Variants in MYO15A observed in about 807,000 individuals in gnomAD.
MYO15A encodes unconventional myosin-XV.
A neutral mutation model predicts 394.6 loss-of-function variants in MYO15A; 308 were observed. That is an observed-to-expected ratio of 0.78 (90% CI 0.71 to 0.86). The LOEUF is 0.86. Among genes scored for constraint, MYO15A ranks in the 40% least tolerant of loss-of-function variants. The pLI is 0.00. For synonymous variants in MYO15A, 1,957 were observed against 2,003.8 expected, an observed-to-expected ratio of 0.98 and a Z score of 0.62; for missense variants, 4,606 against 4,799.1, an observed-to-expected ratio of 0.96 and a Z score of 1.19.
Position 18,155,399 on chromosome 17 carries a change from C to A in MYO15A, c.8426C>A (p.Ala2809Asp). The change falls in exon 47 of 66, where the codon GCC (alanine) becomes GAC (aspartate). Residue 2809 changes from alanine to aspartate, a missense_variant. Transcript: ENST00000647165. Reference sequence around the variant, plus strand: ...AGGATGGTCAAGGGTGGCCAGGAGGCCGGCGGGCAGCTGCGGGTCCTGCGT... The same window carrying A: ...AGGATGGTCAAGGGTGGCCAGGAGGACGGCGGGCAGCTGCGGGTCCTGCGT... ...LLRMVKGGQE[A>D]GGQLRVLRAY... The A allele has an allele frequency of 6.2e-7, 1 of 1,613,528 alleles. No homozygotes were observed. Among genetic ancestry groups the A allele is most frequent in the Non-Finnish European group, 8.5e-7 (1 of 1,180,008 alleles).
chr17:18,120,076 G>A lies in MYO15A; in HGVS notation c.1276G>A (p.Ala426Thr), dbSNP rs527805638. 1 of 1,612,992 alleles carries A rather than the reference G, an allele frequency of 6.2e-7. No homozygotes were observed. The stretch of plus-strand genomic sequence containing the variant: ...CATCCCGTCGCCCCACAACCCGTAT[G>A]CCCACGCCATGGATGACATCGCCGA... Reference protein sequence around the residue: ...PPIPSPHNPYAHAMDDIAELE... With the variant: ...PPIPSPHNPYTHAMDDIAELE... The change falls in exon 2 of 66, where the codon GCC becomes ACC. Residue 426 changes from alanine to threonine, a missense_variant. By Grantham distance (58) the Ala-to-Thr change is moderately conservative (BLOSUM62 0). Transcript: ENST00000647165.
chr17:18,120,451 G>C lies in MYO15A; in HGVS notation c.1651G>C (p.Ala551Pro). 6.3e-7 allele frequency: 1 copy of C among 1,577,344 alleles called. No homozygotes were observed. Among genetic ancestry groups the C allele is most frequent in the African/African-American group, 1.3e-5 (1 of 74,234 alleles). ...CCAGCGCGCGCTGTCGGCCTTCGGC[G>C]CCCACCGGGGCCTGGGCTTCGGCCC... Reference protein sequence around the residue: ...NLQRALSAFGAHRGLGFGPEF... With the variant: ...NLQRALSAFGPHRGLGFGPEF... Residue 551 changes from alanine (A) to proline (P), a missense_variant, in exon 2 of 66, where the codon GCC becomes CCC. Coordinates refer to ENST00000647165, the MANE Select transcript of MYO15A (RefSeq NM_016239.4).
Position 18,120,257 on chromosome 17 carries a change from A to G in MYO15A, c.1457A>G (p.Lys486Arg). The change falls in exon 2 of 66, where the codon AAG becomes AGG. Residue 486 changes from lysine (K) to arginine (R), a missense_variant. Lys to Arg is a conservative substitution (Grantham distance 26). Around this residue, in one of 2 missense-constraint regions of MYO15A, gnomAD observed 1,830 missense variants for 1,689.7 expected, o/e 1.08. Transcript: ENST00000647165. ...CGCCTCTTCCCGCGACCCCAGGTGA[A>G]GCTGTTTGGGAAGGAGAAGCTGGAG... ...KFRLFPRPQV[K>R]LFGKEKLEVP... 6.2e-7 allele frequency: 1 copy of G among 1,612,044 alleles called. No homozygotes were observed. Among genetic ancestry groups the G allele is most frequent in the Non-Finnish European group, 8.5e-7 (1 of 1,179,584 alleles).
rs939155980 is a variant in MYO15A, at chr17:18,132,372, G to A, written c.4207-81G>A. ...CCACTGTGTGCATGTGCACTTGTGGGCAGGCTTGGGCTTGTATGTGTGCCT... is the reference window on the plus strand; with the variant it reads ...CCACTGTGTGCATGTGCACTTGTGGACAGGCTTGGGCTTGTATGTGTGCCT... On this transcript the variant is annotated intron_variant, in intron 10 of 65. Coordinates refer to ENST00000647165, the MANE Select transcript of MYO15A (RefSeq NM_016239.4). The surrounding 1 kb of genome is among the most constrained non-coding windows in gnomAD (Gnocchi z 4.6). The A allele has an allele frequency of 1.8e-6, 2 of 1,097,120 alleles. No homozygotes were observed. The highest frequency in any genetic ancestry group is 1.3e-5 in the South Asian group (1 of 79,874). 68.0% of individuals were successfully genotyped at this position (1,097,120 alleles called of 1,614,324 possible). A position where few individuals can be genotyped will look rare whatever the true frequency, so the allele number is the denominator to read the frequency against.
Position 18,138,877 on chromosome 17 carries a change from C to A in MYO15A, c.5074C>A (p.Pro1692Thr). 1 of 1,613,606 alleles carries A rather than the reference C, an allele frequency of 6.2e-7. No homozygotes were observed. Among genetic ancestry groups the A allele is most frequent in the Non-Finnish European group, 8.5e-7 (1 of 1,179,814 alleles). The change falls in exon 18 of 66, where the codon CCC (proline) becomes ACC (threonine). Residue 1692 changes from proline to threonine, a missense_variant. Physicochemically the swap from Pro to Thr is conservative, Grantham distance 38. Coordinates refer to ENST00000647165, the MANE Select transcript of MYO15A (RefSeq NM_016239.4). ...HHGANPLYSK[P>T]KMPLPEFTIK... ...TGGCGCCAACCCGCTCTATTCCAAA[C>A]CCAAGATGCCGCTGCCTGAGTTCAC...
intron 51 of MYO15A, chr17:18,158,186 TTGG>T (rs1400099402): frequency 2.9e-5 from 17 of 582,788 alleles, no homozygotes; most frequent in Non-Finnish European, 5.1e-5. Context: ...GGCCCGCCAG[TTGG>T]TGAAGTCTAC....
intron 50 of MYO15A, 28 bp downstream of exon 50, chr17:18,157,258 T>C: frequency 1.3e-6 from 2 of 1,579,320 alleles, no homozygotes; most frequent in Non-Finnish European, 1.7e-6. Context: ...TGGAACCCCA[T>C]ACGGGGCGCA....
Position 18,127,070 on chromosome 17 carries a change from G to A in MYO15A, c.3942-5G>A, listed in dbSNP as rs770881392. 4.3e-6 allele frequency: 7 copies of A among 1,614,056 alleles called. No homozygotes were observed. The East Asian group carries it at 1.6e-4, about 36-fold the overall frequency. ...GGAGCTCACTCTGCCCCTTTGCTCG[G>A]TCAGTGGAGAGAGCGGCTCTGGCAA... On this transcript the variant is annotated splice_polypyrimidine_tract_variant and splice_region_variant and intron_variant, in intron 6 of 65. Transcript: ENST00000647165.
chr17:18,137,822 C>T, intron 16 of MYO15A, 143 bp downstream of exon 16: 1 of 1,055,804 alleles, frequency 9.5e-7, no homozygotes, highest in Admixed American at 2.0e-5. Flanking sequence ...AGCTGGGGAC[C>T]AGCCCATGGG....
intron 5 of MYO15A, 74 bp downstream of exon 5, chr17:18,126,530 G>A: frequency 1.4e-6 from 2 of 1,415,982 alleles, no homozygotes; most frequent in Non-Finnish European, 2.0e-6. Flanking sequence ...CTGGATCCCG[G>A]CTGCACCTGA....
intron 51 of MYO15A, 62 bp from the exon 52 acceptor site, chr17:18,158,461 T>G (rs2142390883): frequency 6.7e-7 from 1 of 1,486,458 alleles, no homozygotes; most frequent in African/African-American, 1.4e-5. Context: ...TTGTCAGTTT[T>G]GACCGAAGGG....
chr17:18,120,760 C>T lies in MYO15A; in HGVS notation c.1960C>T (p.Leu654Phe). The change falls in exon 2 of 66, where the codon CTC (leucine) becomes TTC (phenylalanine). Residue 654 changes from leucine (L) to phenylalanine (F), a missense_variant. Around this residue, in one of 2 missense-constraint regions of MYO15A, gnomAD observed 1,830 missense variants for 1,689.7 expected, o/e 1.08. Coordinates refer to ENST00000647165, the MANE Select transcript of MYO15A (RefSeq NM_016239.4). ...PPAPQPAPRTLSHWSALLSPP... is the reference protein window; with the variant it reads ...PPAPQPAPRTFSHWSALLSPP... Reference sequence around the variant, plus strand: ...CGCGCCACAGCCCGCGCCCAGGACCCTCTCCCACTGGAGCGCGCTCCTGTC... The same window carrying T: ...CGCGCCACAGCCCGCGCCCAGGACCTTCTCCCACTGGAGCGCGCTCCTGTC... 1 of 1,447,444 alleles carries T rather than the reference C, an allele frequency of 6.9e-7. No homozygotes were observed. Among genetic ancestry groups the T allele is most frequent in the South Asian group, 1.4e-5 (1 of 73,894 alleles). 89.7% of individuals were successfully genotyped at this position (1,447,444 alleles called of 1,614,324 possible). A position where few individuals can be genotyped will look rare whatever the true frequency, so the allele number is the denominator to read the frequency against.
rs2046523170 is a variant in MYO15A, at chr17:18,148,618, TGTG to T, written c.6764+52_6764+54del. The T allele has an allele frequency of 2.6e-6, 4 of 1,549,472 alleles. No individual in the cohort carries two copies. In the East Asian group the frequency reaches 7.3e-5, roughly 28 times the overall value. On this transcript the variant is annotated intron_variant, in intron 32 of 65. Coordinates refer to ENST00000647165, the MANE Select transcript of MYO15A (RefSeq NM_016239.4). The surrounding 1 kb of genome is among the most constrained non-coding windows in gnomAD (Gnocchi z 4.8). Reference sequence around the variant, plus strand: ...GCACACTCTTATGTACCTGGAATGTTGTGGGGGGAGGTCAGATCCCCCAGAGGG... The same window carrying T: ...GCACACTCTTATGTACCTGGAATGTTGGGGGAGGTCAGATCCCCCAGAGGG...
chr17:18,177,653 C>T (rs534307788), intron 65 of MYO15A: 1 of 152,348 alleles, frequency 6.6e-6, no homozygotes, highest in African/African-American at 2.4e-5. Context: ...GTTCAAATCC[C>T]ACCACCTACC....
At position 18,120,328 on chromosome 17, in the gene MYO15A, G is replaced by A. The variant is rs184302558; in HGVS notation, c.1528G>A (p.Ala510Thr). ...SLDIPLPLGDADEEEDEEELP... is the reference protein window; with the variant it reads ...SLDIPLPLGDTDEEEDEEELP... The stretch of plus-strand genomic sequence containing the variant: ...GGACATTCCTCTCCCCTTGGGGGAT[G>A]CGGACGAAGAAGAGGACGAGGAGGA... Residue 510 changes from alanine to threonine, a missense_variant, in exon 2 of 66, where the codon GCG (alanine) becomes ACG (threonine). Physicochemically the swap from Ala to Thr is moderately conservative, Grantham distance 58 (BLOSUM62 0). This residue lies in a region of MYO15A where 1,830 missense variants were observed against 1,689.7 expected (regional missense o/e 1.08). Transcript: ENST00000647165. The A allele has an allele frequency of 1.2e-6, 2 of 1,612,270 alleles. No individual in the cohort carries two copies. The highest frequency in any genetic ancestry group is 1.7e-6 in the Non-Finnish European group (2 of 1,179,988).
intron 1 of MYO15A, among the ~76,000 whole-genome samples, chr17:18,112,721 T>A (rs982599439): frequency 3.9e-5 from 6 of 152,008 alleles, no homozygotes; most frequent in Non-Finnish European, 7.4e-5. Flanking sequence ...ATTTACACTT[T>A]TAAATGTTAC....
Position 18,150,513 on chromosome 17 carries a change from A to T in MYO15A, c.7297A>T (p.Thr2433Ser). ...GGGSSSGTED[T>S]PRRPPEPKPI... The stretch of plus-strand genomic sequence containing the variant: ...AGGCAGCAGTAGTGGTACTGAAGAC[A>T]CCCCCAGGAGACCCCCAGAGCCAAA... The change falls in exon 36 of 66, where the codon ACC becomes TCC. Residue 2433 changes from threonine (T) to serine (S), a missense_variant. By Grantham distance (58) the Thr-to-Ser change is moderately conservative. Coordinates refer to ENST00000647165, the MANE Select transcript of MYO15A (RefSeq NM_016239.4). The surrounding 1 kb of genome is among the most constrained non-coding windows in gnomAD (Gnocchi z 4.4). The T allele has an allele frequency of 6.2e-7, 1 of 1,613,974 alleles. No homozygotes were observed. Among genetic ancestry groups the T allele is most frequent in the Non-Finnish European group, 8.5e-7 (1 of 1,179,964 alleles).
intron 7 of MYO15A, among the ~76,000 whole-genome samples, chr17:18,129,599 T>C (rs990559335): frequency 6.6e-6 from 1 of 152,184 alleles, no homozygotes; most frequent in Non-Finnish European, 1.5e-5. Flanking sequence ...CCTGAGGAAG[T>C]GCCTCAGCTG....
At chr17:18,136,314 T>A in intron 13 of MYO15A, 103 bp from the exon 14 acceptor site, 1 of 1,417,530 alleles carries the variant, frequency 7.1e-7, no homozygotes. Flanking sequence ...ACAACATCCC[T>A]CCAGCCTCCC....
Sources: gnomAD v4.1 joint callset for allele counts (sites outside exome capture counted in the v4.1 genomes callset) on GRCh38, gnomAD v4.1.1 for gene constraint, gnomAD v4.1.1 regional missense constraint, Gnocchi (gnomAD v3.1) non-coding constraint, MANE v1.5 for transcripts, NCBI Gene and HGNC (gene_info 2026-07-23, HGNC 2026-07-21) for gene names.